Variants in ATG7 observed in about 807,000 individuals in gnomAD.
ATG7 encodes ubiquitin-like modifier-activating enzyme ATG7.
ATG7 carries 70 observed loss-of-function variants against 82.4 expected under a neutral mutation model. That is an observed-to-expected ratio of 0.85 (90% CI 0.70 to 1.04). The LOEUF (loss-of-function observed/expected upper bound fraction) is 1.04. Among genes scored for constraint, ATG7 ranks in the 50% least tolerant of loss-of-function variants. The pLI is 0.00. For missense variants in ATG7, 792 were observed against 864.3 expected, an observed-to-expected ratio of 0.92 and a Z score of 1.05; for synonymous variants, 287 against 313.0, an observed-to-expected ratio of 0.92 and a Z score of 0.88.
downstream of ATG7, among the ~76,000 whole-genome samples, chr3:11,561,127 C>A (rs569634309): frequency 7.1e-4 from 66 of 93,122 alleles, no homozygotes; most frequent in African/African-American, 3.6e-3. Flanking sequence ...TCTAGGAGAC[C>A]CCCCCCCAGG....
At chr3:11,510,448 C>T in intron 20 of ATG7, 1 of 367,820 alleles carries the variant, frequency 2.7e-6, no homozygotes, top group South Asian at 2.1e-5. Flanking sequence ...TCTTCTTTCT[C>T]CCCACCCCCT....
chr3:11,384,912 T>C (rs535105291), intron 19 of ATG7, among the ~76,000 whole-genome samples: 1 of 152,272 alleles, frequency 6.6e-6, no homozygotes, highest in South Asian at 2.1e-4. Context: ...CATGGCACTA[T>C]AGCCTGGGCG....
At chr3:11,296,722 C>G (rs930843927) in intron 3 of ATG7, among the ~76,000 whole-genome samples, 1 of 152,158 alleles carries the variant, frequency 6.6e-6, no homozygotes, top group South Asian at 2.1e-4. Context: ...TTTCACGTGT[C>G]CCTATTTCTG....
intron 20 of ATG7, among the ~76,000 whole-genome samples, chr3:11,430,065 A>G (rs1349394685): frequency 6.6e-6 from 1 of 151,748 alleles, no homozygotes; most frequent in Non-Finnish European, 1.5e-5. Flanking sequence ...GCCCAGAGAT[A>G]TTCTTTAGGT....
At chr3:11,295,284 A>T (rs1373413065) in intron 3 of ATG7, among the ~76,000 whole-genome samples, 2 of 152,188 alleles carry the variant, frequency 1.3e-5, no homozygotes, top group Non-Finnish European at 2.9e-5. Context: ...ATAGAAAAAT[A>T]ATTATTATAA....
chr3:11,549,243 T>C (rs2071559649), intron 20 of ATG7, among the ~76,000 whole-genome samples: 1 of 152,160 alleles, frequency 6.6e-6, no homozygotes, highest in Non-Finnish European at 1.5e-5. Context: ...TGTGTTAGGG[T>C]TGTTTTCTTA....
chr3:11,442,739 CAAAAA>C lies in ATG7; in HGVS notation c.2079+15841_2079+15845del, dbSNP rs57073881. ...GCAGCATAGTGAGACTCCATCTCTA[CAAAAA>C]AAAAAAAAAAAAAAAAAAAAAAAAA... On this transcript the variant is annotated intron_variant, in intron 20 of 20. Transcript: ENST00000693202. 9.4e-3 allele frequency among the ~76,000 whole-genome samples: 648 copies of C among 69,020 alleles called. 3 individuals are homozygous for C. The highest frequency in any genetic ancestry group is 0.035 in the African/African-American group (603 of 17,366). The allele number at this position is 69,020 out of a possible 152,430, so 45.3% of individuals were successfully genotyped here.
chr3:11,335,481 G>A (rs1421895873), intron 11 of ATG7, among the ~76,000 whole-genome samples: 1 of 152,184 alleles, frequency 6.6e-6, no homozygotes, highest in Non-Finnish European at 1.5e-5. Context: ...GGTTGGACAA[G>A]CGTGGTCTTA....
chr3:11,555,803 G>A lies in ATG7; in HGVS notation c.*960G>A, dbSNP rs9855986. 10,491 of 152,324 alleles carry A rather than the reference G, an allele frequency of 0.069. 682 individuals carry two copies. The highest frequency in any genetic ancestry group is 0.17 in the African/African-American group (6,921 of 41,494). The allele number at this position is 152,324 out of a possible 1,614,324, so 9.4% of individuals were successfully genotyped here. On this transcript the variant is annotated 3_prime_UTR_variant, in exon 21 of 21. Transcript: ENST00000693202. The stretch of plus-strand genomic sequence containing the variant: ...TGTGACCACCCTGCCCCCGTGTAGA[G>A]GGCATCGTCTTTCCTGCTATTTTAT...
intron 18 of ATG7, among the ~76,000 whole-genome samples, chr3:11,379,638 G>GACC (rs2077719133): frequency 6.6e-6 from 1 of 152,120 alleles, no homozygotes; most frequent in Non-Finnish European, 1.5e-5. Context: ...TATACCAGTG[G>GACC]ACCTGTTCAA....
In ATG7 at chr3:11,315,388, A is replaced by G; in HGVS notation, c.573A>G (p.Glu191=). The G allele has an allele frequency of 6.2e-7, 1 of 1,610,660 alleles. No individual in the cohort carries two copies. Among genetic ancestry groups the G allele is most frequent in the Non-Finnish European group, 8.5e-7 (1 of 1,178,738 alleles). ...CATATGATAATCTTTGTCAAACAGAAGGAGTCACAGCTCTTCCTTACTTCT... is the reference window on the plus strand; with the variant it reads ...CATATGATAATCTTTGTCAAACAGAGGGAGTCACAGCTCTTCCTTACTTCT... ...ECAYDNLCQT[E]GVTALPYFLI... Residue 191 remains glutamate, a synonymous_variant, in exon 9 of 21, where the codon GAA becomes GAG. Transcript: ENST00000693202.
intron 18 of ATG7, among the ~76,000 whole-genome samples, 195 bp from the exon 19 acceptor site, chr3:11,379,777 G>C (rs2077734399): frequency 6.6e-6 from 1 of 152,172 alleles, no homozygotes; most frequent in South Asian, 2.1e-4. Flanking sequence ...ATGGAATAAA[G>C]GACCTAATAT....
chr3:11,364,479 C>A (rs1315853970), intron 17 of ATG7, among the ~76,000 whole-genome samples, 180 bp from the exon 18 acceptor site: 2 of 152,198 alleles, frequency 1.3e-5, no homozygotes, highest in African/African-American at 4.8e-5. Context: ...CCAAACCATG[C>A]ATGTTTAAAT....
At position 11,315,337 on chromosome 3, in the gene ATG7, T is replaced by C. The variant is rs1311300241; in HGVS notation, c.529-7T>C. On this transcript the variant is annotated splice_region_variant and splice_polypyrimidine_tract_variant and intron_variant, in intron 8 of 20. Coordinates refer to ENST00000693202, the MANE Select transcript of ATG7 (RefSeq NM_001349232.2). ...CTAGAGAATAACAACGTGTTTTCTG[T>C]TTTCAGATTGAAGCACTAGAGTGTG... 6.5e-7 allele frequency: 1 copy of C among 1,547,210 alleles called. No individual in the cohort carries two copies. Among genetic ancestry groups the C allele is most frequent in the East Asian group, 2.3e-5 (1 of 43,262 alleles).
chr3:11,347,369 G>A (rs1462221369), intron 13 of ATG7, among the ~76,000 whole-genome samples: 2 of 152,170 alleles, frequency 1.3e-5, no homozygotes, highest in African/African-American at 4.8e-5. Context: ...TTATTAATAA[G>A]GCTTTGCCTC....
chr3:11,564,602 G>GAA, the ATG7 span, among the ~76,000 whole-genome samples: 1 of 150,666 alleles, frequency 6.6e-6, no homozygotes, highest in Non-Finnish European at 1.5e-5. Context: ...AGTAAAAGCA[G>GAA]AAGAGGACTC....
the ATG7 span, among the ~76,000 whole-genome samples, chr3:11,572,546 C>T: frequency 6.6e-6 from 1 of 152,222 alleles, no homozygotes; most frequent in Non-Finnish European, 1.5e-5. Flanking sequence ...ATTCCCCTCT[C>T]TTCGTCCCCT....
chr3:11,565,206 G>C, the ATG7 span, among the ~76,000 whole-genome samples: 1 of 152,126 alleles, frequency 6.6e-6, no homozygotes, highest in Non-Finnish European at 1.5e-5. This position sits in a 1 kb window ranked among gnomAD's most constrained non-coding sequence, Gnocchi z 4.1. Flanking sequence ...TCTGGGTGCC[G>C]GAGAAGCTGC....
At chr3:11,400,205 CAT>C (rs1236387866) in intron 19 of ATG7, among the ~76,000 whole-genome samples, 5 of 152,144 alleles carry the variant, frequency 3.3e-5, no homozygotes, top group African/African-American at 9.7e-5. Flanking sequence ...GCTGGTAGAT[CAT>C]ATAACTCATC....
Sources: allele counts gnomAD v4.1 joint callset (sites outside exome capture counted in the v4.1 genomes callset), GRCh38; gene constraint gnomAD v4.1.1; non-coding constraint Gnocchi (gnomAD v3.1); transcripts MANE v1.5; gene names NCBI Gene and HGNC (gene_info 2026-07-23, HGNC 2026-07-21).